CEACAM21: variants seen among roughly 807,000 people sequenced by gnomAD.
The protein encoded by CEACAM21 is CEA cell adhesion molecule 21.
Under a neutral mutation model 33.2 loss-of-function variants are expected in CEACAM21, and 38 were observed. That is an observed-to-expected ratio of 1.14 (90% CI 0.88 to 1.50). CEACAM21 has a LOEUF of 1.50. Ranked by LOEUF, CEACAM21 falls within the 40% of genes most tolerant of loss-of-function variation. CEACAM21 has a pLI of 0.00. For synonymous variants in CEACAM21, 156 were observed against 143.0 expected (o/e 1.09, Z -0.65); for missense variants, 385 against 364.6 (o/e 1.06, Z -0.46).
At chr19:41,555,597 G>T (rs111577913) in intron 1 of CEACAM21, 2 of 151,746 alleles carry the variant, frequency 1.3e-5, no homozygotes, top group African/African-American at 4.8e-5. Context: ...CAAAAATCCC[G>T]AATTTCACAT....
intron 1 of CEACAM21, chr19:41,551,464 G>A (rs117237792): frequency 0.027 from 4,164 of 151,906 alleles, 101 homozygotes; most frequent in Non-Finnish European, 0.043. Flanking sequence ...AGCCATGATT[G>A]TTTCCAGGGT....
chr19:41,558,396 C>G (rs988042508), intron 1 of CEACAM21, among the ~76,000 whole-genome samples: 1 of 152,244 alleles, frequency 6.6e-6, no homozygotes, highest in Non-Finnish European at 1.5e-5. Context: ...ACCTGTAATC[C>G]TAGCACTTTG....
At chr19:41,583,929 T>C (rs2070508340) in intron 3 of CEACAM21, among the ~76,000 whole-genome samples, 1 of 152,198 alleles carries the variant, frequency 6.6e-6, no homozygotes, top group African/African-American at 2.4e-5. Context: ...TGATTCCCAC[T>C]GTGCCTTCCA....
chr19:41,571,105 T>TC (rs147496555), intron 2 of CEACAM21, among the ~76,000 whole-genome samples: 7,139 of 151,998 alleles, frequency 0.047, 449 homozygotes, highest in African/African-American at 0.15. Flanking sequence ...CAGGACTCCC[T>TC]CCCCCAGCTC....
At chr19:41,570,074 C>A (rs537120007) in intron 2 of CEACAM21, among the ~76,000 whole-genome samples, 1 of 152,184 alleles carries the variant, frequency 6.6e-6, no homozygotes, top group Admixed American at 6.5e-5. Flanking sequence ...GCGGCAGTCA[C>A]CCTGGTGCCA....
At chr19:41,585,607 G>A in intron 5 of CEACAM21, 112 bp downstream of exon 5, 2 of 1,265,432 alleles carry the variant, frequency 1.6e-6, no homozygotes. Flanking sequence ...GGGCTGCAAA[G>A]AGGATCCCAT....
rs782050363 is a variant in CEACAM21, at chr19:41,579,560, A to T, written c.632A>T (p.Glu211Val). 3 of 1,604,748 alleles carry T rather than the reference A, an allele frequency of 1.9e-6. No homozygotes were observed. In the South Asian group the frequency reaches 3.3e-5, roughly 18 times the overall value. Residue 211 changes from glutamate to valine, a missense_variant, in exon 3 of 7, where the codon GAG (glutamate) becomes GTG (valine). Glu to Val is a moderately radical substitution (Grantham distance 121, BLOSUM62 -2). Coordinates refer to ENST00000401445, the MANE Select transcript of CEACAM21 (RefSeq NM_001098506.4). ...IDPIRQEDAG[E>V]YQCEVSNPVS... is the part of the protein sequence containing the mutation. Reference sequence around the variant, plus strand: ...CCCATCAGGCAGGAGGACGCTGGGGAGTATCAGTGTGAGGTCTCCAACCCA... The same window carrying T: ...CCCATCAGGCAGGAGGACGCTGGGGTGTATCAGTGTGAGGTCTCCAACCCA...
chr19:41,570,212 C>T lies in CEACAM21; in HGVS notation c.-404+5156C>T, dbSNP rs558246806. On this transcript the variant is annotated intron_variant, in intron 2 of 7. Coordinates refer to the CEACAM21 transcript ENST00000407170. ...TCAGGATTTCAGATGGGTAGGTAGG[C>T]TCAGCTGGGAGCTCAGGGACAGACC... Among the ~76,000 whole-genome samples, 18 of 152,312 alleles carry T rather than the reference C, an allele frequency of 1.2e-4. No individual in the cohort carries two copies. The East Asian group carries it at 3.1e-3, about 26-fold the overall frequency.
intron 1 of CEACAM21, chr19:41,550,028 C>T (rs1426341855): frequency 2.0e-5 from 3 of 152,114 alleles, no homozygotes; most frequent in African/African-American, 2.4e-5. Flanking sequence ...CAATTAATGA[C>T]GAGTGCGATG....
intron 1 of CEACAM21, chr19:41,552,221 T>C (rs1010246800): frequency 6.6e-6 from 1 of 152,192 alleles, no homozygotes; most frequent in African/African-American, 2.4e-5. Flanking sequence ...TTTACTTAAA[T>C]CTAAATGAGT....
intron 1 of CEACAM21, among the ~76,000 whole-genome samples, chr19:41,553,925 T>C (rs1485488530): frequency 7.3e-6 from 1 of 136,676 alleles, no homozygotes; most frequent in African/African-American, 2.5e-5. Context: ...AAATTAAGAA[T>C]ACCCACAAAT....
intron 1 of CEACAM21, among the ~76,000 whole-genome samples, chr19:41,553,523 A>G (rs184191908): frequency 6.6e-6 from 1 of 152,234 alleles, no homozygotes; most frequent in East Asian, 1.9e-4. Flanking sequence ...GGCTTTTAAA[A>G]TTGGTTTTAA....
At chr19:41,560,127 T>G in intron 1 of CEACAM21, among the ~76,000 whole-genome samples, 1 of 152,256 alleles carries the variant, frequency 6.6e-6, no homozygotes, top group Non-Finnish European at 1.5e-5. Flanking sequence ...TCTCCCATTA[T>G]TCAAGAAACA....
intron 2 of CEACAM21, among the ~76,000 whole-genome samples, chr19:41,578,480 C>G (rs1259172302): frequency 1.3e-5 from 2 of 152,202 alleles, no homozygotes; most frequent in Non-Finnish European, 2.9e-5. Flanking sequence ...ATCAGCATCA[C>G]ACAGGCTGTC....
intron 1 of CEACAM21, among the ~76,000 whole-genome samples, chr19:41,559,223 A>G (rs1263434719): frequency 1.3e-5 from 2 of 152,248 alleles, no homozygotes; most frequent in Admixed American, 6.5e-5. Flanking sequence ...GATTGTATGC[A>G]CTGCACAGAC....
intron 5 of CEACAM21, 61 bp downstream of exon 5, chr19:41,585,556 C>A: frequency 6.4e-7 from 1 of 1,561,142 alleles, no homozygotes; most frequent in Non-Finnish European, 8.8e-7. Context: ...AAGTTGTCCA[C>A]TCCTGCCAGT....
At chr19:41,580,312 G>T (rs2058149) in intron 3 of CEACAM21, among the ~76,000 whole-genome samples, 3 of 151,538 alleles carry the variant, frequency 2.0e-5, no homozygotes, top group Non-Finnish European at 2.9e-5. Flanking sequence ...AAATGTGATG[G>T]GGGGGGGTTT....
At chr19:41,579,017 A>C (rs750338565) in intron 2 of CEACAM21, among the ~76,000 whole-genome samples, 72 of 152,152 alleles carry the variant, frequency 4.7e-4, no homozygotes, top group Non-Finnish European at 8.7e-4. Flanking sequence ...CTTGTCCCTT[A>C]GGGGCTGAGA....
intron 1 of CEACAM21, among the ~76,000 whole-genome samples, chr19:41,561,027 C>G (rs947052979): frequency 4.6e-4 from 70 of 152,126 alleles, no homozygotes; most frequent in Non-Finnish European, 1.8e-4. Context: ...TTATAATTTA[C>G]AGATGACATT....
Sources: gnomAD v4.1 joint callset for allele counts (sites outside exome capture counted in the v4.1 genomes callset) on GRCh38, gnomAD v4.1.1 for gene constraint, MANE v1.5 for transcripts, NCBI Gene and HGNC (gene_info 2026-07-23, HGNC 2026-07-21) for gene names.